ACCSL: variants seen among roughly 807,000 people sequenced by gnomAD.
ACCSL encodes the protein 1-aminocyclopropane-1-carboxylate synthase homolog (inactive) like, also known as probable inactive 1-aminocyclopropane-1-carboxylate synthase-like protein 2.
ACCSL carries 55 observed loss-of-function variants against 61.7 expected under a neutral mutation model. That is an observed-to-expected ratio of 0.89 (90% CI 0.72 to 1.12). The LOEUF is 1.12. Ranked by LOEUF, ACCSL falls within the 50% of genes most tolerant of loss-of-function variation. ACCSL has a pLI of 0.00. For synonymous variants in ACCSL, 258 were observed against 264.3 expected, an observed-to-expected ratio of 0.98 and a Z score of 0.23; for missense variants, 632 against 698.0, an observed-to-expected ratio of 0.91 and a Z score of 1.07.
chr11:43,972,231 G>A, the ACCSL span, among the ~76,000 whole-genome samples: 2 of 152,240 alleles, frequency 1.3e-5, no homozygotes, highest in East Asian at 3.9e-4. Context: ...GAGAAGGAAG[G>A]GGTCTGTTTC....
chr11:44,013,901 C>T, the ACCSL span, among the ~76,000 whole-genome samples: 6,002 of 152,182 alleles, frequency 0.039, 382 homozygotes, highest in African/African-American at 0.14. Context: ...CCTGCAGAGG[C>T]GCCCTCCTGC....
At chr11:43,940,393 T>C in the ACCSL span, among the ~76,000 whole-genome samples, 1 of 151,624 alleles carries the variant, frequency 6.6e-6, no homozygotes, top group Non-Finnish European at 1.5e-5. Flanking sequence ...TCTTGCTCCA[T>C]TGCCCAGGCT....
chr11:43,998,535 G>T, the ACCSL span, among the ~76,000 whole-genome samples: 1 of 152,146 alleles, frequency 6.6e-6, no homozygotes, highest in Non-Finnish European at 1.5e-5. Context: ...GGTGGCCACT[G>T]GCTCAGCAGG....
the ACCSL span, among the ~76,000 whole-genome samples, chr11:44,040,779 A>C: frequency 6.6e-6 from 1 of 150,800 alleles, no homozygotes; most frequent in Non-Finnish European, 1.5e-5. Context: ...GCCTCCAGTG[A>C]GGTAGGGTCC....
Position 44,056,227 on chromosome 11 carries a change from C to A in ACCSL, c.1228C>A (p.His410Asn). ...CTTCCGCTTTGGTGCTCTGTATACC[C>A]ACAACAAGGAGGTGGCCTCTGCTGT... Reference protein sequence around the residue: ...SGFRFGALYTHNKEVASAVSA... With the variant: ...SGFRFGALYTNNKEVASAVSA... Residue 410 changes from histidine (H) to asparagine (N), a missense_variant, in exon 11 of 14, where the codon CAC becomes AAC. His to Asn is a moderately conservative substitution (Grantham distance 68, BLOSUM62 1). Coordinates refer to ENST00000378832, the MANE Select transcript of ACCSL (RefSeq NM_001031854.2). The A allele has an allele frequency of 6.2e-7, 1 of 1,614,202 alleles. No individual in the cohort carries two copies. Among genetic ancestry groups the A allele is most frequent in the Non-Finnish European group, 8.5e-7 (1 of 1,180,044 alleles).
At chr11:43,946,504 A>T in the ACCSL span, among the ~76,000 whole-genome samples, 2 of 152,154 alleles carry the variant, frequency 1.3e-5, no homozygotes, top group African/African-American at 4.8e-5. Context: ...AGAGATAAAT[A>T]AGTTAACATT....
chr11:43,983,349 AT>A, the ACCSL span, among the ~76,000 whole-genome samples: 17 of 152,240 alleles, frequency 1.1e-4, no homozygotes, highest in East Asian at 1.7e-3. Context: ...ATTATTTTGC[AT>A]TCATTTCTGT....
chr11:43,998,760 T>A, the ACCSL span, among the ~76,000 whole-genome samples: 2 of 132,188 alleles, frequency 1.5e-5, no homozygotes, highest in Admixed American at 1.7e-4. Context: ...CATTGTCACA[T>A]GGCATTTTTT....
At chr11:44,039,447 A>G in the ACCSL span, among the ~76,000 whole-genome samples, 1 of 152,170 alleles carries the variant, frequency 6.6e-6, no homozygotes, top group Non-Finnish European at 1.5e-5. Context: ...AGTGGGAGCT[A>G]AGCTATGAGG....
At chr11:43,961,723 T>TTCTCTC in the ACCSL span, among the ~76,000 whole-genome samples, 1 of 141,362 alleles carries the variant, frequency 7.1e-6, no homozygotes, top group Non-Finnish European at 1.6e-5. Flanking sequence ...CTCTTTCTCT[T>TTCTCTC]TCTCTCTCTC....
chr11:43,961,629 C>A, the ACCSL span, among the ~76,000 whole-genome samples: 1 of 152,262 alleles, frequency 6.6e-6, no homozygotes, highest in South Asian at 2.1e-4. Context: ...TGGGACCCAC[C>A]TGCCTGGAAT....
chr11:43,933,106 C>A, the ACCSL span: 1 of 456,242 alleles, frequency 2.2e-6, no homozygotes, highest in South Asian at 1.5e-5. Flanking sequence ...GAAGACTCTG[C>A]TTCCAAGGGA....
the ACCSL span, among the ~76,000 whole-genome samples, chr11:44,030,978 C>T: frequency 4.6e-5 from 7 of 152,128 alleles, no homozygotes; most frequent in African/African-American, 1.4e-4. Flanking sequence ...CCCAAGGCCT[C>T]CCAGGAACAC....
At chr11:44,055,462 C>G (rs1952665634) in intron 9 of ACCSL, among the ~76,000 whole-genome samples, 171 bp downstream of exon 9, 1 of 152,216 alleles carries the variant, frequency 6.6e-6, no homozygotes, top group Admixed American at 6.5e-5. Flanking sequence ...GTCTTCTAGT[C>G]TATATGCCAT....
At chr11:43,933,169 A>G in the ACCSL span, 6 of 456,116 alleles carry the variant, frequency 1.3e-5, no homozygotes, top group Admixed American at 4.7e-5. Context: ...GGCTTGCTTT[A>G]TGGAATCATG....
the ACCSL span, among the ~76,000 whole-genome samples, chr11:44,013,575 G>A: frequency 1.3e-4 from 20 of 152,278 alleles, no homozygotes; most frequent in East Asian, 1.4e-3. Flanking sequence ...TTACAGGCGC[G>A]AGCCACCACG....
At chr11:44,000,832 G>A in the ACCSL span, among the ~76,000 whole-genome samples, 1 of 152,182 alleles carries the variant, frequency 6.6e-6, no homozygotes, top group Non-Finnish European at 1.5e-5. Context: ...TTTTATATCA[G>A]GGATGTGAGC....
the ACCSL span, among the ~76,000 whole-genome samples, chr11:43,967,256 C>A: frequency 7.3e-6 from 1 of 137,806 alleles, no homozygotes; most frequent in South Asian, 2.4e-4. Flanking sequence ...TGGCTCACTG[C>A]AACCTCTGCC....
chr11:43,967,379 A>T, the ACCSL span, among the ~76,000 whole-genome samples: 1 of 151,444 alleles, frequency 6.6e-6, no homozygotes, highest in Non-Finnish European at 1.5e-5. Flanking sequence ...GGGTTTCACC[A>T]TGTTGGCAGG....
Sources: allele counts gnomAD v4.1 joint callset (sites outside exome capture counted in the v4.1 genomes callset), GRCh38; gene constraint gnomAD v4.1.1; transcripts MANE v1.5; gene names NCBI Gene and HGNC (gene_info 2026-07-23, HGNC 2026-07-21).